Variants in PARD3B observed in about 807,000 individuals in gnomAD.
PARD3B encodes partitioning defective 3 homolog B.
Under a neutral mutation model 130.2 loss-of-function variants are expected in PARD3B, and 103 were observed. The ratio of observed to expected loss-of-function variants is 0.79; its 90% CI spans 0.67 to 0.93. The LOEUF (loss-of-function observed/expected upper bound fraction) is 0.93. Ranked by LOEUF, PARD3B falls within the 40% of genes least tolerant of loss-of-function variation. The probability of loss-of-function intolerance (pLI) is 0.00; values close to 1 mark genes in which losing one functional copy is unlikely to be tolerated. For synonymous variants in PARD3B, 583 were observed against 553.2 expected, an observed-to-expected ratio of 1.05 and a Z score of -0.76; for missense variants, 1,609 against 1,499.2, an observed-to-expected ratio of 1.07 and a Z score of -1.21.
At chr2:204,914,315 C>G (rs775204724) in intron 2 of PARD3B, among the ~76,000 whole-genome samples, 3 of 152,144 alleles carry the variant, frequency 2.0e-5, no homozygotes, top group Non-Finnish European at 4.4e-5. Context: ...GGTCATGTGA[C>G]AAGGACCCCG....
intron 1 of PARD3B, among the ~76,000 whole-genome samples, chr2:204,632,640 G>C (rs1222336930): frequency 1.3e-5 from 2 of 152,146 alleles, no homozygotes; most frequent in African/African-American, 4.8e-5. Flanking sequence ...TTGTGCCCAA[G>C]GCCCTGGTGG....
chr2:205,234,523 T>A (rs571504404), intron 15 of PARD3B, among the ~76,000 whole-genome samples: 2 of 152,258 alleles, frequency 1.3e-5, no homozygotes, highest in East Asian at 3.9e-4. Flanking sequence ...CACCTAATAA[T>A]AGTGCTTCAA....
At chr2:205,501,194 C>T (rs536930371) in intron 21 of PARD3B, among the ~76,000 whole-genome samples, 1 of 152,226 alleles carries the variant, frequency 6.6e-6, no homozygotes, top group African/African-American at 2.4e-5. Context: ...AACTGCTGAG[C>T]CCAGAAGATT....
intron 2 of PARD3B, among the ~76,000 whole-genome samples, chr2:204,860,677 C>T (rs969706580): frequency 2.0e-4 from 30 of 152,122 alleles, no homozygotes; most frequent in African/African-American, 6.8e-4. Flanking sequence ...GTGATTGGAA[C>T]GTAGTTTCAT....
At chr2:204,979,494 A>G (rs539382289) in intron 3 of PARD3B, among the ~76,000 whole-genome samples, 1 of 152,338 alleles carries the variant, frequency 6.6e-6, no homozygotes, top group African/African-American at 2.4e-5. Context: ...AAGAATATGA[A>G]TATACTCATT....
At chr2:205,207,821 C>G (rs2037402571) in intron 15 of PARD3B, among the ~76,000 whole-genome samples, 1 of 107,952 alleles carries the variant, frequency 9.3e-6, no homozygotes, top group Non-Finnish European at 1.8e-5. Context: ...CCTTCTGAAA[C>G]TATTCCAATC....
chr2:205,498,356 G>A (rs547625004), intron 20 of PARD3B, among the ~76,000 whole-genome samples: 5 of 152,054 alleles, frequency 3.3e-5, no homozygotes, highest in African/African-American at 1.2e-4. Flanking sequence ...ACAAAAATTA[G>A]CCAGGTGTGG....
intron 1 of PARD3B, among the ~76,000 whole-genome samples, chr2:204,648,175 A>G (rs992311645): frequency 2.0e-5 from 3 of 151,714 alleles, no homozygotes; most frequent in Non-Finnish European, 4.4e-5. Flanking sequence ...ATTCATGACC[A>G]TATAAATAGG....
intron 20 of PARD3B, among the ~76,000 whole-genome samples, chr2:205,481,143 A>G (rs146198442): frequency 1.3e-5 from 2 of 152,326 alleles, no homozygotes; most frequent in South Asian, 2.1e-4. Context: ...AAACGTGATG[A>G]CAAGGCAGTG....
intron 3 of PARD3B, among the ~76,000 whole-genome samples, chr2:205,006,597 G>A (rs187570145): frequency 2.6e-5 from 4 of 152,146 alleles, no homozygotes; most frequent in East Asian, 3.9e-4. Flanking sequence ...TTTATTGGCT[G>A]TTTGTATATC....
At chr2:204,784,369 T>C (rs542655181) in intron 2 of PARD3B, among the ~76,000 whole-genome samples, 111 of 152,276 alleles carry the variant, frequency 7.3e-4, no homozygotes, top group African/African-American at 2.6e-3. Flanking sequence ...GGGCTATATT[T>C]TTGTTCGTTT....
At chr2:205,491,590 G>T (rs4510209) in intron 20 of PARD3B, among the ~76,000 whole-genome samples, 1 of 151,918 alleles carries the variant, frequency 6.6e-6, no homozygotes, top group South Asian at 2.1e-4. Flanking sequence ...TGGCAATGCG[G>T]GCTCTTTTTT....
intron 18 of PARD3B, among the ~76,000 whole-genome samples, chr2:205,400,190 G>T (rs1395384021): frequency 6.6e-6 from 1 of 152,002 alleles, no homozygotes; most frequent in Non-Finnish European, 1.5e-5. Context: ...ACTCTCTATT[G>T]CATTAATAGG....
intron 15 of PARD3B, among the ~76,000 whole-genome samples, chr2:205,220,342 G>A (rs1157059781): frequency 6.6e-6 from 1 of 152,070 alleles, no homozygotes; most frequent in Admixed American, 6.6e-5. Context: ...CAGCCAAATG[G>A]AAGATCTTAG....
chr2:204,954,971 C>CT (rs571299316), intron 2 of PARD3B, among the ~76,000 whole-genome samples: 9 of 152,028 alleles, frequency 5.9e-5, no homozygotes, highest in Non-Finnish European at 7.4e-5. Context: ...AGAAAGGTTC[C>CT]TTTTTTTTAT....
chr2:205,248,441 A>G (rs1197025696), intron 16 of PARD3B, among the ~76,000 whole-genome samples: 1 of 148,920 alleles, frequency 6.7e-6, no homozygotes, highest in East Asian at 1.9e-4. Context: ...GCAGAGGGTT[A>G]AGGGTTCTCT....
intron 18 of PARD3B, 79 bp from the exon 19 acceptor site, chr2:205,400,934 C>G: frequency 1.0e-6 from 1 of 980,548 alleles, no homozygotes; most frequent in South Asian, 1.5e-5. Context: ...ACTTAATGAG[C>G]TCATCCCATA....
chr2:205,014,792 T>A (rs1326865194), intron 3 of PARD3B, among the ~76,000 whole-genome samples: 2 of 151,866 alleles, frequency 1.3e-5, no homozygotes, highest in Non-Finnish European at 2.9e-5. Flanking sequence ...AAGGCAAGAG[T>A]ATTCAGGAAA....
At chr2:205,553,205 C>T in intron 21 of PARD3B, 119 bp from the exon 22 acceptor site, 2 of 871,606 alleles carry the variant, frequency 2.3e-6, no homozygotes, top group South Asian at 1.8e-5. Context: ...CTTGCTTTTC[C>T]ATGGTTGATT....
Sources: allele counts gnomAD v4.1 joint callset (sites outside exome capture counted in the v4.1 genomes callset), GRCh38; gene constraint gnomAD v4.1.1; transcripts MANE v1.5; gene names NCBI Gene and HGNC (gene_info 2026-07-23, HGNC 2026-07-21).